LRRC4C: variants seen among roughly 807,000 people sequenced by gnomAD.
LRRC4C encodes the protein leucine-rich repeat-containing protein 4C.
Under a neutral mutation model 33.6 loss-of-function variants are expected in LRRC4C, and 5 were observed. The ratio of observed to expected loss-of-function variants is 0.15; its 90% CI spans 0.08 to 0.31. The LOEUF is 0.31. Ranked by LOEUF, LRRC4C falls within the 10% of genes least tolerant of loss-of-function variation. The pLI, the probability that LRRC4C is intolerant of heterozygous loss-of-function variation, is 1.00. For missense variants in LRRC4C, 560 were observed against 796.7 expected (o/e 0.70, Z 3.58); for synonymous variants, 329 against 302.0 (o/e 1.09, Z -0.93).
intron 1 of LRRC4C, among the ~76,000 whole-genome samples, chr11:41,404,560 ACACC>A (rs776157892): frequency 0.017 from 1,753 of 104,716 alleles, 39 homozygotes; most frequent in African/African-American, 0.079. Context: ...ACACACACAC[ACACC>A]CCCCGAGGTT....
Position 40,242,854 on chromosome 11 carries a change from C to A in LRRC4C, c.-175-1256G>T, listed in dbSNP as rs369014503. ...TCTATTATGACAAGCTTGAACAACC[C>A]AAGTGTTCATCAAAGAAGCAATTCA... is the stretch of plus-strand genomic sequence containing the variant. On this transcript the variant is annotated intron_variant, in intron 4 of 6. Coordinates refer to ENST00000528697, the MANE Select transcript of LRRC4C (RefSeq NM_001258419.2). 8.8e-4 allele frequency among the ~76,000 whole-genome samples: 134 copies of A among 151,842 alleles called. 2 individuals carry two copies. In the South Asian group the frequency reaches 0.027, roughly 31 times the overall value.
intron 2 of LRRC4C, among the ~76,000 whole-genome samples, chr11:40,932,291 A>G (rs1957663460): frequency 6.6e-6 from 1 of 152,162 alleles, no homozygotes; most frequent in Non-Finnish European, 1.5e-5. Flanking sequence ...TGTGTTAGAT[A>G]CTGGAAATGC....
chr11:40,980,147 T>C (rs1158685115), intron 1 of LRRC4C, among the ~76,000 whole-genome samples: 1 of 152,110 alleles, frequency 6.6e-6, no homozygotes, highest in Non-Finnish European at 1.5e-5. Context: ...TTGGACATAT[T>C]CCATTATAAT....
At chr11:40,628,938 T>G (rs1464324180) in intron 3 of LRRC4C, among the ~76,000 whole-genome samples, 1 of 152,212 alleles carries the variant, frequency 6.6e-6, no homozygotes, top group African/African-American at 2.4e-5. Context: ...CCATGTATTT[T>G]CTCAGTTGTG....
intron 2 of LRRC4C, among the ~76,000 whole-genome samples, chr11:40,917,282 T>C (rs185881914): frequency 1.3e-5 from 2 of 152,274 alleles, no homozygotes; most frequent in Admixed American, 1.3e-4. Flanking sequence ...ACTCAGATAG[T>C]ATATCACTAA....
chr11:41,093,587 GC>G (rs1181969282), intron 1 of LRRC4C, among the ~76,000 whole-genome samples: 2 of 151,408 alleles, frequency 1.3e-5, no homozygotes, highest in Non-Finnish European at 2.9e-5. Context: ...AAAACACTGG[GC>G]CCTTTGAACA....
chr11:41,308,426 AG>A (rs1198700831), intron 1 of LRRC4C, among the ~76,000 whole-genome samples: 1 of 152,126 alleles, frequency 6.6e-6, no homozygotes, highest in Non-Finnish European at 1.5e-5. Context: ...ATGTAACAGG[AG>A]GCTGGCCTGA....
intron 3 of LRRC4C, among the ~76,000 whole-genome samples, chr11:40,564,292 A>C (rs1957668584): frequency 6.6e-6 from 1 of 152,160 alleles, no homozygotes; most frequent in African/African-American, 2.4e-5. Flanking sequence ...CTTGTAAGAC[A>C]AAAAAAGGAA....
At chr11:41,325,129 G>T (rs1217884627) in intron 1 of LRRC4C, among the ~76,000 whole-genome samples, 1 of 152,122 alleles carries the variant, frequency 6.6e-6, no homozygotes, top group African/African-American at 2.4e-5. Context: ...TTCCTCAAAA[G>T]AAATCACTTT....
intron 2 of LRRC4C, among the ~76,000 whole-genome samples, chr11:40,777,190 T>C (rs1950034065): frequency 6.6e-6 from 1 of 152,208 alleles, no homozygotes; most frequent in Admixed American, 6.5e-5. Context: ...TAAGAATGTA[T>C]ATTCTGTGCT....
intron 2 of LRRC4C, among the ~76,000 whole-genome samples, chr11:40,790,149 A>G (rs934510537): frequency 6.6e-6 from 1 of 152,230 alleles, no homozygotes; most frequent in African/African-American, 2.4e-5. Context: ...TTTTACCCAC[A>G]GAAAATATTT....
At chr11:40,474,823 A>G (rs1953125317) in intron 3 of LRRC4C, among the ~76,000 whole-genome samples, 1 of 152,230 alleles carries the variant, frequency 6.6e-6, no homozygotes, top group East Asian at 1.9e-4. Context: ...GCCAACAAAC[A>G]TATGAAAAAA....
At chr11:40,374,523 A>T (rs1336223238) in intron 3 of LRRC4C, among the ~76,000 whole-genome samples, 2 of 152,234 alleles carry the variant, frequency 1.3e-5, no homozygotes, top group Admixed American at 6.5e-5. Flanking sequence ...CCAGGTGAAC[A>T]GAGCCAGTGT....
At chr11:40,800,080 A>T (rs924601236) in intron 2 of LRRC4C, among the ~76,000 whole-genome samples, 26 of 152,204 alleles carry the variant, frequency 1.7e-4, no homozygotes, top group African/African-American at 6.3e-4. Context: ...TCAGAATTGG[A>T]CTAGTTATCT....
At chr11:40,463,320 G>A (rs1305868327) in intron 3 of LRRC4C, among the ~76,000 whole-genome samples, 2 of 149,624 alleles carry the variant, frequency 1.3e-5, no homozygotes, top group Admixed American at 1.3e-4. Context: ...GTGTGTGTGT[G>A]TGTGTGTGTG....
At chr11:40,820,960 G>A (rs183150751) in intron 2 of LRRC4C, among the ~76,000 whole-genome samples, 1 of 151,592 alleles carries the variant, frequency 6.6e-6, no homozygotes, top group African/African-American at 2.4e-5. Context: ...AAATAACTTT[G>A]CAAAATACAA....
intron 3 of LRRC4C, among the ~76,000 whole-genome samples, chr11:40,567,034 A>G (rs1422091649): frequency 6.6e-6 from 1 of 152,118 alleles, no homozygotes; most frequent in African/African-American, 2.4e-5. Context: ...TTTACCTTTC[A>G]GAGGCTTTGT....
At chr11:40,634,797 G>C (rs571201868) in intron 3 of LRRC4C, among the ~76,000 whole-genome samples, 1 of 152,190 alleles carries the variant, frequency 6.6e-6, no homozygotes, top group South Asian at 2.1e-4. Context: ...CAGGTGGCGG[G>C]GGGTGTTGTT....
chr11:40,122,241 C>T (rs1321810243), intron 6 of LRRC4C, among the ~76,000 whole-genome samples: 1 of 151,960 alleles, frequency 6.6e-6, no homozygotes, highest in Non-Finnish European at 1.5e-5. Context: ...ACTTCCAATT[C>T]TTTTTTTTAA....
Sources: gnomAD v4.1 joint callset for allele counts (sites outside exome capture counted in the v4.1 genomes callset) on GRCh38, gnomAD v4.1.1 for gene constraint, MANE v1.5 for transcripts, NCBI Gene and HGNC (gene_info 2026-07-23, HGNC 2026-07-21) for gene names.